The following NPAS3 variants were observed in gnomAD, a reference collection of about 807,000 sequenced individuals.
The protein encoded by NPAS3 is neuronal PAS domain-containing protein 3.
In NPAS3, 14 loss-of-function variants were observed where a neutral mutation model predicts 73.1. The ratio of observed to expected loss-of-function variants is 0.19; its 90% confidence interval spans 0.13 to 0.30. The LOEUF is 0.30. Ranked by LOEUF, NPAS3 falls within the 10% of genes least tolerant of loss-of-function variation. The pLI is 1.00. For missense variants in NPAS3, 1,096 were observed against 1,250.0 expected (o/e 0.88, Z 1.86); for synonymous variants, 620 against 541.5 (o/e 1.14, Z -2.01).
intron 1 of NPAS3, among the ~76,000 whole-genome samples, chr14:32,981,477 G>A (rs538095465): frequency 1.4e-3 from 206 of 152,258 alleles, no homozygotes; most frequent in African/African-American, 4.0e-3. Flanking sequence ...AACAAGCTAC[G>A]TATTAAGCAC....
chr14:33,316,427 G>A (rs768454045), intron 3 of NPAS3, among the ~76,000 whole-genome samples: 11 of 152,012 alleles, frequency 7.2e-5, no homozygotes, highest in Non-Finnish European at 1.5e-4. Context: ...AAGTTACGTG[G>A]CATCCTGCAG....
In NPAS3 at chr14:33,298,733, T is replaced by G. The variant is rs141323429; in HGVS notation, c.386-68453T>G. ...GATAATGTATAAGGGGAAATTCGTT[T>G]AATAAAAAAGTGATATTTGACATTC... On this transcript the variant is annotated intron_variant, in intron 3 of 11. Coordinates refer to ENST00000356141, the Ensembl canonical transcript of NPAS3. Among the ~76,000 whole-genome samples the G allele has an allele frequency of 6.2e-3, 947 of 152,308 alleles. 15 individuals are homozygous for G. Among genetic ancestry groups the G allele is most frequent in the African/African-American group, 0.021 (870 of 41,566 alleles).
At chr14:33,083,093 G>GA (rs1361528964) in intron 2 of NPAS3, among the ~76,000 whole-genome samples, 2 of 141,512 alleles carry the variant, frequency 1.4e-5, no homozygotes, top group African/African-American at 5.2e-5. Context: ...TAAGGTAGGA[G>GA]AATCATTTCA....
chr14:33,337,408 G>A (rs2044278484), intron 3 of NPAS3, among the ~76,000 whole-genome samples: 1 of 152,036 alleles, frequency 6.6e-6, no homozygotes, highest in Admixed American at 6.6e-5. Flanking sequence ...CTATACACAT[G>A]AGGTTTTGTT....
rs34502647 is a variant in NPAS3 at position 33,202,707 on chromosome 14, C to CTTT, written c.141-12465_141-12463dup. Among the ~76,000 whole-genome samples, 43 of 146,414 alleles carry CTTT rather than the reference C, an allele frequency of 2.9e-4. No homozygotes were observed. In the East Asian group the frequency reaches 3.0e-3, roughly 10 times the overall value. ...AACAATTTTAAGCAAATATTCATGT[C>CTTT]TTTTTTTTTTTTGAAAAATAAACCC... is the stretch of plus-strand genomic sequence containing the variant. On this transcript the variant is annotated intron_variant, in intron 2 of 11. Coordinates refer to ENST00000356141, the Ensembl canonical transcript of NPAS3.
At chr14:33,775,727 T>C (rs2062793032) in intron 8 of NPAS3, among the ~76,000 whole-genome samples, 1 of 152,206 alleles carries the variant, frequency 6.6e-6, no homozygotes, top group Admixed American at 6.5e-5. Context: ...TTTATTAAAA[T>C]GTTTATGATC....
chr14:32,936,469 G>A (rs1213180648), upstream of NPAS3, among the ~76,000 whole-genome samples: 1 of 152,114 alleles, frequency 6.6e-6, no homozygotes, highest in East Asian at 1.9e-4. Flanking sequence ...GACTAGAAAA[G>A]AATTAGATTT....
At chr14:33,182,684 G>A (rs1298034599) in intron 2 of NPAS3, among the ~76,000 whole-genome samples, 1 of 151,956 alleles carries the variant, frequency 6.6e-6, no homozygotes, top group Non-Finnish European at 1.5e-5. Context: ...TACTCAACCT[G>A]TGATTGTCCA....
rs569016314 is a variant in NPAS3, at chr14:33,333,754, C to T, written c.386-33432C>T. ...CAATAAAAGTTACTTGAGTAGAATA[C>T]TCTAGATGTGACATAACTAAATCTG... On this transcript the variant is annotated intron_variant, in intron 3 of 11. Coordinates refer to ENST00000356141, the Ensembl canonical transcript of NPAS3. Among the ~76,000 whole-genome samples, 5 of 152,242 alleles carry T rather than the reference C, an allele frequency of 3.3e-5. No homozygotes were observed. The South Asian group carries it at 6.2e-4, about 19-fold the overall frequency.
chr14:33,502,884 T>C (rs965710326), intron 4 of NPAS3, among the ~76,000 whole-genome samples: 1 of 152,022 alleles, frequency 6.6e-6, no homozygotes. Context: ...TGGGTCTTGC[T>C]TGAAGTAAGA....
chr14:33,343,520 C>G (rs1170959509), intron 3 of NPAS3, among the ~76,000 whole-genome samples: 1 of 152,080 alleles, frequency 6.6e-6, no homozygotes, highest in African/African-American at 2.4e-5. Flanking sequence ...TCCATGTTCC[C>G]CAGTGTTAGG....
At chr14:33,028,263 C>A (rs935125422) in intron 1 of NPAS3, among the ~76,000 whole-genome samples, 1 of 152,120 alleles carries the variant, frequency 6.6e-6, no homozygotes, top group African/African-American at 2.4e-5. Context: ...ACATTGAGAT[C>A]TTTTCTGTAT....
intron 3 of NPAS3, among the ~76,000 whole-genome samples, chr14:33,249,899 A>C (rs1408207116): frequency 2.1e-5 from 3 of 145,142 alleles, no homozygotes; most frequent in Non-Finnish European, 4.6e-5. Flanking sequence ...TTGGAAGCAA[A>C]TCTGTCATAC....
At chr14:33,684,641 A>C (rs1421497638) in intron 6 of NPAS3, among the ~76,000 whole-genome samples, 2 of 152,088 alleles carry the variant, frequency 1.3e-5, no homozygotes, top group Non-Finnish European at 2.9e-5. Context: ...CACAGTGATC[A>C]GTAAGTAAGT....
rs188763190 is a variant in NPAS3, at chr14:32,965,394, A to G, written c.50+26028A>G. Among the ~76,000 whole-genome samples the G allele has an allele frequency of 3.0e-3, 461 of 152,330 alleles. 4 individuals are homozygous for G. Among genetic ancestry groups the G allele is most frequent in the Non-Finnish European group, 5.0e-3 (339 of 68,014 alleles). ...TGGGATTCATCCTTGAGATGCAAGA[A>G]TGGTTCCACATATACAATTCAATAA... On this transcript the variant is annotated intron_variant, in intron 1 of 11. Coordinates refer to ENST00000356141, the Ensembl canonical transcript of NPAS3.
intron 5 of NPAS3, among the ~76,000 whole-genome samples, chr14:33,636,950 T>G (rs777523927): frequency 9.3e-5 from 14 of 150,948 alleles, no homozygotes; most frequent in Non-Finnish European, 2.1e-4. Flanking sequence ...GTTTAAAGAT[T>G]AACAGAATTG....
intron 1 of NPAS3, among the ~76,000 whole-genome samples, chr14:32,956,635 AG>A (rs2036682078): frequency 6.6e-6 from 1 of 152,136 alleles, no homozygotes; most frequent in Non-Finnish European, 1.5e-5. Context: ...CTTTCTCCAA[AG>A]TTTATAATCT....
At chr14:33,426,196 A>G (rs1269654948) in intron 4 of NPAS3, among the ~76,000 whole-genome samples, 3 of 152,070 alleles carry the variant, frequency 2.0e-5, no homozygotes, top group Non-Finnish European at 2.9e-5. Flanking sequence ...CAAGAGATTC[A>G]TGAACTCAGA....
At chr14:33,167,070 A>G (rs1412461254) in intron 2 of NPAS3, among the ~76,000 whole-genome samples, 1 of 152,216 alleles carries the variant, frequency 6.6e-6, no homozygotes, top group Non-Finnish European at 1.5e-5. Flanking sequence ...ATTTCATAAT[A>G]TGATTCCTTG....
Sources: allele counts gnomAD v4.1 joint callset (sites outside exome capture counted in the v4.1 genomes callset), GRCh38; gene constraint gnomAD v4.1.1; transcripts MANE v1.5; gene names NCBI Gene and HGNC (gene_info 2026-07-23, HGNC 2026-07-21).